EXOC2: variants seen among roughly 807,000 people sequenced by gnomAD.
The protein encoded by EXOC2 is SEC5-like 1.
EXOC2 carries 70 observed loss-of-function variants against 131.8 expected under a neutral mutation model. The ratio of observed to expected loss-of-function variants is 0.53; its 90% CI spans 0.44 to 0.65. The LOEUF (loss-of-function observed/expected upper bound fraction) is 0.65. Ranked by LOEUF, EXOC2 falls within the 30% of genes least tolerant of loss-of-function variation. The pLI is 0.00. For synonymous variants in EXOC2, 411 were observed against 398.4 expected (o/e 1.03, Z -0.38); for missense variants, 923 against 1,108.6 (o/e 0.83, Z 2.38).
chr6:512,342 T>C (rs1030965931), intron 23 of EXOC2, among the ~76,000 whole-genome samples: 3 of 152,250 alleles, frequency 2.0e-5, no homozygotes, highest in Non-Finnish European at 4.4e-5. Flanking sequence ...CTCCTCAGCC[T>C]ACTCAATGTG....
intron 23 of EXOC2, among the ~76,000 whole-genome samples, chr6:526,735 C>G (rs1219141660): frequency 6.6e-6 from 1 of 152,072 alleles, no homozygotes; most frequent in African/African-American, 2.4e-5. Context: ...CCACCGCGCC[C>G]GGCTCTTCGT....
At chr6:662,702 C>T (rs1339412159) in intron 1 of EXOC2, among the ~76,000 whole-genome samples, 1 of 152,084 alleles carries the variant, frequency 6.6e-6, no homozygotes, top group Non-Finnish European at 1.5e-5. Context: ...ATCAAAAAGT[C>T]TGAAAGAGCA....
chr6:495,156 C>G (rs113980341), intron 25 of EXOC2, among the ~76,000 whole-genome samples: 1 of 144,738 alleles, frequency 6.9e-6, no homozygotes, highest in African/African-American at 2.5e-5. Context: ...GACGGAGTCT[C>G]GCTCTTTCGT....
chr6:658,663 ATATT>A lies in EXOC2; in HGVS notation c.-43-20806_-43-20803del, dbSNP rs1379333091. On this transcript the variant is annotated intron_variant, in intron 1 of 27. Coordinates refer to ENST00000230449, the MANE Select transcript of EXOC2 (RefSeq NM_018303.6). ...ATATATTTTATATATATATATATAT[ATATT>A]TTTTTTTTTTTTAGACGAAGTCTTG... Among the ~76,000 whole-genome samples, 367 of 71,840 alleles carry A rather than the reference ATATT, an allele frequency of 5.1e-3. 2 individuals carry two copies. Among genetic ancestry groups the A allele is most frequent in the Non-Finnish European group, 8.3e-3 (264 of 31,764 alleles). The allele number at this position is 71,840 out of a possible 152,430, so 47.1% of individuals were successfully genotyped here. A position where few individuals can be genotyped will look rare whatever the true frequency, so the allele number is the denominator to read the frequency against.
At chr6:565,521 T>A (rs1451089697) in intron 13 of EXOC2, among the ~76,000 whole-genome samples, 1 of 152,234 alleles carries the variant, frequency 6.6e-6, no homozygotes, top group Non-Finnish European at 1.5e-5. Context: ...AAGAGAAGCC[T>A]GTTCAGTTGG....
At chr6:562,157 A>G (rs1333950977) in intron 17 of EXOC2, among the ~76,000 whole-genome samples, 1 of 152,240 alleles carries the variant, frequency 6.6e-6, no homozygotes, top group Non-Finnish European at 1.5e-5. Context: ...CCACGCTGCC[A>G]GGCTGCTGTG....
chr6:495,089 A>ATGT (rs1459236651), intron 25 of EXOC2, among the ~76,000 whole-genome samples: 3 of 146,268 alleles, frequency 2.1e-5, no homozygotes, highest in Non-Finnish European at 3.0e-5. Context: ...AGGTGTTACT[A>ATGT]TGTTGCCCAG....
intron 1 of EXOC2, among the ~76,000 whole-genome samples, chr6:641,741 A>G (rs773402338): frequency 2.0e-5 from 3 of 152,044 alleles, no homozygotes; most frequent in Admixed American, 6.5e-5. Context: ...AAAATCAACT[A>G]TTCCTCTCAA....
chr6:586,457 A>G, intron 11 of EXOC2, among the ~76,000 whole-genome samples: 1 of 152,194 alleles, frequency 6.6e-6, no homozygotes, highest in East Asian at 1.9e-4. Context: ...TTGCACATAT[A>G]ATTTTAGAAG....
rs1764559265 is a variant in EXOC2, at chr6:506,827, C to A, written c.2381-7127G>T. 6.6e-6 allele frequency among the ~76,000 whole-genome samples: 1 copy of A among 152,118 alleles called. No homozygotes were observed. The highest frequency in any genetic ancestry group is 2.1e-4 in the South Asian group (1 of 4,828). ...TCTCCAGCAACGAAGATCTTGTTTT[C>A]ATGCATCAAAATAGTAGAGCAGCCT... On this transcript the variant is annotated intron_variant, in intron 23 of 27. Coordinates refer to ENST00000230449, the MANE Select transcript of EXOC2 (RefSeq NM_018303.6). This position sits in a 1 kb window ranked among gnomAD's most constrained non-coding sequence, Gnocchi z 4.4.
At chr6:518,275 C>A (rs1031237787) in intron 23 of EXOC2, among the ~76,000 whole-genome samples, 2 of 108,490 alleles carry the variant, frequency 1.8e-5, no homozygotes, top group African/African-American at 8.4e-5. Context: ...AGCCCAGGGG[C>A]ACAGATCAGA....
In EXOC2 at chr6:612,023, T is replaced by C. The variant is rs1760739871; in HGVS notation, c.662-1845A>G. Among the ~76,000 whole-genome samples the C allele has an allele frequency of 2.0e-5, 3 of 152,238 alleles. No individual in the cohort carries two copies. The South Asian group carries it at 6.2e-4, about 31-fold the overall frequency. ...CCATGCATTTATGTAAATATCATTG[T>C]TAAACGAGGCACCAAGGAATAATGT... On this transcript the variant is annotated intron_variant, in intron 6 of 27. Transcript: ENST00000230449.
intron 23 of EXOC2, among the ~76,000 whole-genome samples, chr6:514,497 TAAC>T (rs1181917445): frequency 6.6e-6 from 1 of 152,208 alleles, no homozygotes; most frequent in African/African-American, 2.4e-5. Flanking sequence ...TTAACTTTCT[TAAC>T]AAATTCTATC....
intron 25 of EXOC2, among the ~76,000 whole-genome samples, chr6:495,556 G>A (rs996428537): frequency 5.9e-5 from 9 of 152,146 alleles, no homozygotes; most frequent in Middle Eastern, 3.2e-3. Context: ...AACTAGGATC[G>A]GAATAGCTGG....
At chr6:505,721 A>G (rs1285669416) in intron 23 of EXOC2, among the ~76,000 whole-genome samples, 1 of 152,088 alleles carries the variant, frequency 6.6e-6, no homozygotes, top group Non-Finnish European at 1.5e-5. Context: ...TGTCTCTCCT[A>G]TTGGACCGTA....
At chr6:592,676 T>G in intron 10 of EXOC2, 89 bp from the exon 11 acceptor site, 1 of 881,942 alleles carries the variant, frequency 1.1e-6, no homozygotes, top group Non-Finnish European at 1.8e-6. Flanking sequence ...TTTTATCAAT[T>G]AGTCTTGTGC....
chr6:641,818 G>A (rs1448271745), intron 1 of EXOC2, among the ~76,000 whole-genome samples: 1 of 152,124 alleles, frequency 6.6e-6, no homozygotes, highest in Non-Finnish European at 1.5e-5. Context: ...TGCTGCAACA[G>A]ACGTATAACT....
At chr6:517,549 C>T (rs200063149) in intron 23 of EXOC2, among the ~76,000 whole-genome samples, 5 of 152,084 alleles carry the variant, frequency 3.3e-5, no homozygotes, top group Non-Finnish European at 7.4e-5. Flanking sequence ...ATGAAAAAAA[C>T]TTAGTGTTCC....
chr6:652,071 A>C (rs1762860250), intron 1 of EXOC2, among the ~76,000 whole-genome samples: 1 of 151,808 alleles, frequency 6.6e-6, no homozygotes, highest in African/African-American at 2.4e-5. Flanking sequence ...AAAAAAAAAA[A>C]CTTCACAAAC....
Sources: allele counts gnomAD v4.1 joint callset (sites outside exome capture counted in the v4.1 genomes callset), GRCh38; gene constraint gnomAD v4.1.1; non-coding constraint Gnocchi (gnomAD v3.1); transcripts MANE v1.5; gene names NCBI Gene and HGNC (gene_info 2026-07-23, HGNC 2026-07-21).